KCNK3: variants seen among roughly 807,000 people sequenced by gnomAD.
KCNK3 encodes potassium two pore domain channel subfamily K member 3.
Under a neutral mutation model 27.3 loss-of-function variants are expected in KCNK3, and 9 were observed. The ratio of observed to expected loss-of-function variants is 0.33; its 90% CI spans 0.20 to 0.57. KCNK3 has a LOEUF of 0.57. KCNK3 is among the 20% of genes least tolerant of loss of function. The pLI, the probability that KCNK3 is intolerant of heterozygous loss-of-function variation, is 0.87. For missense variants in KCNK3, 391 were observed against 577.7 expected (o/e 0.68, Z 3.31); for synonymous variants, 278 against 273.8 (o/e 1.02, Z -0.15).
In KCNK3 at chr2:26,731,704, T is replaced by C. The variant is rs1311721854; in HGVS notation, c.*3136T>C. On this transcript the variant is annotated 3_prime_UTR_variant, in exon 2 of 2. Coordinates refer to ENST00000302909, the MANE Select transcript of KCNK3 (RefSeq NM_002246.3). ...AAGATCCAGATTTTCTTAAGTCCCC[T>C]TGGAACAGACTAAGAAAGGATCACC... 1.3e-5 allele frequency: 2 copies of C among 152,230 alleles called. No homozygotes were observed. Among genetic ancestry groups the C allele is most frequent in the Non-Finnish European group, 2.9e-5 (2 of 68,042 alleles). 9.4% of individuals were successfully genotyped at this position (152,230 alleles called of 1,614,324 possible).
At chr2:26,703,171 C>G (rs2148257370) in intron 1 of KCNK3, among the ~76,000 whole-genome samples, 1 of 152,298 alleles carries the variant, frequency 6.6e-6, no homozygotes, top group South Asian at 2.1e-4. Context: ...AAACTGCTGT[C>G]CACAGGCAGA....
intron 1 of KCNK3, among the ~76,000 whole-genome samples, chr2:26,717,598 C>G (rs1224922561): frequency 1.3e-5 from 2 of 152,234 alleles, no homozygotes; most frequent in African/African-American, 4.8e-5. Flanking sequence ...AAAACCCCAC[C>G]AGATCCAATC....
Position 26,730,295 on chromosome 2 carries a change from T to C in KCNK3, c.*1727T>C, listed in dbSNP as rs928438047. ...TGTTGGTGCCTGTGTCCCAAGTAGC[T>C]AGTGATAAGCTGAGGCTGCAGCAAG... On this transcript the variant is annotated 3_prime_UTR_variant, in exon 2 of 2. Transcript: ENST00000302909. The C allele has an allele frequency of 6.6e-6, 1 of 152,190 alleles. No individual in the cohort carries two copies. The highest frequency in any genetic ancestry group is 2.4e-5 in the African/African-American group (1 of 41,420). The allele number at this position is 152,190 out of a possible 1,614,324, so 9.4% of individuals were successfully genotyped here.
In KCNK3 at chr2:26,728,668, C is replaced by A; in HGVS notation, c.*100C>A. 1.0e-6 allele frequency: 1 copy of A among 994,528 alleles called. No individual in the cohort carries two copies. The highest frequency in any genetic ancestry group is 1.4e-6 in the Non-Finnish European group (1 of 731,496). The allele number at this position is 994,528 out of a possible 1,614,324, so 61.6% of individuals were successfully genotyped here. On this transcript the variant is annotated 3_prime_UTR_variant, in exon 2 of 2. Coordinates refer to ENST00000302909, the MANE Select transcript of KCNK3 (RefSeq NM_002246.3). The stretch of plus-strand genomic sequence containing the variant: ...CTGCCTTCTGCCCAGTGGGACCCCG[C>A]ACAACATCCCTCACCACTCTCCCCC...
At chr2:26,704,150 C>T (rs752786179) in intron 1 of KCNK3, among the ~76,000 whole-genome samples, 33 of 152,196 alleles carry the variant, frequency 2.2e-4, no homozygotes, top group Non-Finnish European at 4.3e-4. Context: ...CCCAGCAGCC[C>T]TCTGTCAGCC....
intron 1 of KCNK3, among the ~76,000 whole-genome samples, chr2:26,696,564 A>T (rs2148253570): frequency 6.6e-6 from 1 of 152,298 alleles, no homozygotes; most frequent in Admixed American, 6.5e-5. Flanking sequence ...CACCGTCTCC[A>T]CTGGCTGGAA....
chr2:26,712,221 G>A (rs1298029207), intron 1 of KCNK3, among the ~76,000 whole-genome samples: 2 of 152,176 alleles, frequency 1.3e-5, no homozygotes, highest in African/African-American at 4.8e-5. Context: ...AGGCTGAGGT[G>A]GGTACTGCCT....
rs1398761132 is a variant in KCNK3, at chr2:26,706,320, C to T, written c.283+13162C>T. ...CCCCCAGAGGAGGAGCTGGAGAGGGCCTCAGTAGGGGTCCTGGGGTCCTGG... is the reference window on the plus strand; with the variant it reads ...CCCCCAGAGGAGGAGCTGGAGAGGGTCTCAGTAGGGGTCCTGGGGTCCTGG... On this transcript the variant is annotated intron_variant, in intron 1 of 1. Transcript: ENST00000302909. 2.0e-5 allele frequency among the ~76,000 whole-genome samples: 3 copies of T among 152,132 alleles called. No individual in the cohort carries two copies. The East Asian group carries it at 5.8e-4, about 29-fold the overall frequency.
chr2:26,705,719 C>T (rs1670364329), intron 1 of KCNK3, among the ~76,000 whole-genome samples: 1 of 152,134 alleles, frequency 6.6e-6, no homozygotes, highest in Non-Finnish European at 1.5e-5. Context: ...GGCCTTGGTT[C>T]CCGGCCTTTG....
intron 1 of KCNK3, among the ~76,000 whole-genome samples, chr2:26,712,536 G>A (rs1342856339): frequency 6.6e-6 from 1 of 152,044 alleles, no homozygotes; most frequent in East Asian, 1.9e-4. Context: ...CAGAGGCCAG[G>A]TCCTGTGAGG....
chr2:26,696,453 A>G (rs1323352905), intron 1 of KCNK3, among the ~76,000 whole-genome samples: 1 of 152,188 alleles, frequency 6.6e-6, no homozygotes, highest in African/African-American at 2.4e-5. Context: ...GGCCTGACAC[A>G]GCCAAGCCGT....
chr2:26,722,383 A>C (rs572407356), intron 1 of KCNK3, among the ~76,000 whole-genome samples: 1 of 152,260 alleles, frequency 6.6e-6, no homozygotes, highest in Non-Finnish European at 1.5e-5. Context: ...TATTCATATT[A>C]ATAATTCATA....
At chr2:26,713,990 C>T (rs1000874152) in intron 1 of KCNK3, among the ~76,000 whole-genome samples, 2 of 151,352 alleles carry the variant, frequency 1.3e-5, no homozygotes, top group African/African-American at 2.4e-5. Context: ...GCAGGAGAAT[C>T]GCTTGAATCC....
chr2:26,711,325 G>C (rs1036177188), intron 1 of KCNK3, among the ~76,000 whole-genome samples: 1 of 152,174 alleles, frequency 6.6e-6, no homozygotes, highest in Non-Finnish European at 1.5e-5. Context: ...AACTGGTGCA[G>C]ACATCAAGGA....
At position 26,721,534 on chromosome 2, in the gene KCNK3, G is replaced by A. The variant is rs1483811346; in HGVS notation, c.284-6133G>A. On this transcript the variant is annotated intron_variant, in intron 1 of 1. Transcript: ENST00000302909. The surrounding 1 kb of genome is among the most constrained non-coding windows in gnomAD (Gnocchi z 4.3). ...ACTGCTGCCATCCCCACAACTGAGGGGCGGCTCCATGTCTGTGCCTCAGGC... is the reference window on the plus strand; with the variant it reads ...ACTGCTGCCATCCCCACAACTGAGGAGCGGCTCCATGTCTGTGCCTCAGGC... Among the ~76,000 whole-genome samples the A allele has an allele frequency of 6.6e-6, 1 of 152,198 alleles. No homozygotes were observed. The highest frequency in any genetic ancestry group is 1.5e-5 in the Non-Finnish European group (1 of 68,020).
intron 1 of KCNK3, among the ~76,000 whole-genome samples, chr2:26,710,994 G>T (rs1663100980): frequency 6.6e-6 from 1 of 152,192 alleles, no homozygotes; most frequent in African/African-American, 2.4e-5. Flanking sequence ...TTTGGGCCAG[G>T]AATGGAGCAG....
Position 26,693,006 on chromosome 2 carries a change from G to A in KCNK3, c.131G>A (p.Arg44Gln). 6.3e-7 allele frequency: 1 copy of A among 1,578,222 alleles called. No homozygotes were observed. Among genetic ancestry groups the A allele is most frequent in the African/African-American group, 1.4e-5 (1 of 73,926 alleles). ...ATCGAGCGGCAGCGGCTGGAGCTGC[G>A]GCAGCAGGAGCTGCGGGCGCGCTAC... ...ELIERQRLEL[R>Q]QQELRARYNL... The change falls in exon 1 of 2, where the codon CGG (arginine) becomes CAG (glutamine). Residue 44 changes from arginine (R) to glutamine (Q), a missense_variant. Transcript: ENST00000302909. The surrounding 1 kb of genome is among the most constrained non-coding windows in gnomAD (Gnocchi z 5.5).
chr2:26,695,998 T>C (rs1471172066), intron 1 of KCNK3, among the ~76,000 whole-genome samples: 1 of 152,194 alleles, frequency 6.6e-6, no homozygotes, highest in East Asian at 1.9e-4. Flanking sequence ...AAAAACCTAT[T>C]TGGGCTGTGA....
At chr2:26,726,074 A>G (rs1358442541) in intron 1 of KCNK3, among the ~76,000 whole-genome samples, 1 of 147,588 alleles carries the variant, frequency 6.8e-6, no homozygotes, top group Non-Finnish European at 1.5e-5. Context: ...GCTCAGAGAA[A>G]TCATGCATAC....
Sources: gnomAD v4.1 joint callset for allele counts (sites outside exome capture counted in the v4.1 genomes callset) on GRCh38, gnomAD v4.1.1 for gene constraint, Gnocchi (gnomAD v3.1) non-coding constraint, MANE v1.5 for transcripts, NCBI Gene and HGNC (gene_info 2026-07-23, HGNC 2026-07-21) for gene names.